Variants in COL5A3 observed in about 807,000 individuals in gnomAD.
The protein encoded by COL5A3 is collagen alpha-3(V) chain.
Under a neutral mutation model 250.0 loss-of-function variants are expected in COL5A3, and 172 were observed. The ratio of observed to expected loss-of-function variants is 0.69; its 90% confidence interval spans 0.61 to 0.78. The LOEUF (loss-of-function observed/expected upper bound fraction) is 0.78. Ranked by LOEUF, COL5A3 falls within the 30% of genes least tolerant of loss-of-function variation. The probability of loss-of-function intolerance (pLI) is 0.00; values close to 1 mark genes in which losing one functional copy is unlikely to be tolerated. For synonymous variants in COL5A3, 937 were observed against 900.4 expected (o/e 1.04, Z -0.73); for missense variants, 2,340 against 2,334.4 (o/e 1.00, Z -0.05).
chr19:10,003,730 C>T lies in COL5A3; in HGVS notation c.700-16G>A, dbSNP rs769312828. 1 of 1,613,684 alleles carries T rather than the reference C, an allele frequency of 6.2e-7. No homozygotes were observed. Among genetic ancestry groups the T allele is most frequent in the Non-Finnish European group, 8.5e-7 (1 of 1,180,016 alleles). Reference sequence around the variant, plus strand: ...CCTGGGGAGCCTGGGAGAAGGGTTCCAGTCAGGTCTAGAGCATCCCACCAG... The same window carrying T: ...CCTGGGGAGCCTGGGAGAAGGGTTCTAGTCAGGTCTAGAGCATCCCACCAG... On this transcript the variant is annotated splice_polypyrimidine_tract_variant and intron_variant, in intron 5 of 66. Coordinates refer to ENST00000264828, the MANE Select transcript of COL5A3 (RefSeq NM_015719.4).
intron 31 of COL5A3, among the ~76,000 whole-genome samples, chr19:9,983,322 C>T (rs893269436): frequency 1.3e-5 from 2 of 151,778 alleles, no homozygotes; most frequent in Non-Finnish European, 2.9e-5. Context: ...GGCAGCATAG[C>T]GAGACCCTGT....
intron 26 of COL5A3, 62 bp from the exon 27 acceptor site, chr19:9,989,239 ATC>A (rs1227139718): frequency 1.9e-5 from 31 of 1,609,248 alleles, no homozygotes; most frequent in Non-Finnish European, 2.5e-5. Context: ...AAGAGCCCTC[ATC>A]TCTCTCCTCT....
In COL5A3 at chr19:9,991,768, T is replaced by C. The variant is rs372995753; in HGVS notation, c.1947+20A>G. On this transcript the variant is annotated intron_variant, in intron 23 of 66. Transcript: ENST00000264828. ...AACTGACCACTCCCATGCCCCATTA[T>C]TGGGAAAGACAGTTCAAACCTGGGA... The C allele has an allele frequency of 1.2e-5, 19 of 1,599,088 alleles. No individual in the cohort carries two copies. In the African/African-American group the frequency reaches 2.2e-4, roughly 18 times the overall value.
Position 9,966,052 on chromosome 19 carries a change from G to A in COL5A3, c.4782+262C>T, listed in dbSNP as rs535270053. On this transcript the variant is annotated intron_variant, in intron 64 of 66. Coordinates refer to ENST00000264828, the MANE Select transcript of COL5A3 (RefSeq NM_015719.4). ...TTGCTATGTTGCTCAGGCTGGTCTC[G>A]AACTCCTGACCTCAAGCGATCCTCC... Among the ~76,000 whole-genome samples, 6 of 151,494 alleles carry A rather than the reference G, an allele frequency of 4.0e-5. No individual in the cohort carries two copies. In the East Asian group the frequency reaches 1.2e-3, roughly 29 times the overall value.
chr19:9,996,031 C>T (rs2087264944), intron 15 of COL5A3, 35 bp downstream of exon 15: 1 of 1,514,256 alleles, frequency 6.6e-7, no homozygotes, highest in Non-Finnish European at 8.9e-7. Context: ...GAAGGCTATT[C>T]CCATCCTATC....
chr19:9,991,957 G>C (rs768604359), intron 22 of COL5A3, 47 bp downstream of exon 22: 1 of 1,577,504 alleles, frequency 6.3e-7, no homozygotes, highest in African/African-American at 1.4e-5. Flanking sequence ...GACAATCGGG[G>C]TCAGAGTGTC....
chr19:10,007,291 T>G (rs2087457365), intron 1 of COL5A3, among the ~76,000 whole-genome samples: 1 of 152,084 alleles, frequency 6.6e-6, no homozygotes, highest in Admixed American at 6.6e-5. Context: ...TATCCTGATC[T>G]CCTCCATCTG....
chr19:9,996,359 G>A, intron 13 of COL5A3, 74 bp downstream of exon 13: 1 of 1,571,146 alleles, frequency 6.4e-7, no homozygotes, highest in Non-Finnish European at 8.7e-7. Flanking sequence ...CCCTTCTCCT[G>A]CCCAGCCCCT....
Position 9,993,371 on chromosome 19 carries a change from C to T in COL5A3, c.1749+9G>A. ...TCCAAACCAGGCCCTAACTCTCTTC[C>T]AAACTTACCCTCTCACCATCCTCTC... On this transcript the variant is annotated intron_variant, in intron 19 of 66. Transcript: ENST00000264828. The T allele has an allele frequency of 6.2e-7, 1 of 1,614,050 alleles. No individual in the cohort carries two copies. Among genetic ancestry groups the T allele is most frequent in the Non-Finnish European group, 8.5e-7 (1 of 1,179,934 alleles).
At chr19:9,970,909 CAA>C in intron 53 of COL5A3, 64 bp downstream of exon 53, 1 of 1,384,320 alleles carries the variant, frequency 7.2e-7, no homozygotes, top group Non-Finnish European at 9.8e-7. Context: ...CCTGCCCCCC[CAA>C]TTCACTCACT....
intron 33 of COL5A3, 40 bp from the exon 34 acceptor site, chr19:9,980,899 T>A (rs752334644): frequency 6.4e-7 from 1 of 1,573,398 alleles, no homozygotes. Flanking sequence ...TATGAGGGGG[T>A]GGGGGAGCCT....
rs1398591701 is a variant in COL5A3 at position 9,966,742 on chromosome 19, G to A, written c.4463C>T (p.Ala1488Val). The change falls in exon 63 of 67, where the codon GCC becomes GTC. Residue 1488 changes from alanine (A) to valine (V), a missense_variant. By Grantham distance (64) the Ala-to-Val change is moderately conservative. Around this residue, in one of 3 missense-constraint regions of COL5A3, gnomAD observed 1,179 missense variants for 1,162.6 expected, o/e 1.01. Transcript: ENST00000264828. ...GPAGPPGPPG[A>V]PAELHGLRRR... ...GCGCAGCCCATGCAGCTCGGCAGGG[G>A]CACCCTGGGCGTAGGGGATGGGGAC... The A allele has an allele frequency of 1.3e-6, 2 of 1,534,238 alleles. No individual in the cohort carries two copies. Among genetic ancestry groups the A allele is most frequent in the Non-Finnish European group, 1.7e-6 (2 of 1,145,562 alleles).
In COL5A3 at chr19:9,978,627, C is replaced by T; in HGVS notation, c.2965G>A (p.Gly989Arg). ...TTATCACCCTTTAAGCCAGTAGGTC[C>T]CTGAAGGAGGAGATAATTCACAGTT... ...PGPKGGPGDP[G>R]PTGLKGDKGP... The change falls in exon 41 of 67, where the codon GGA becomes AGA. Residue 989 changes from glycine (G) to arginine (R), a missense_variant and splice_region_variant. By Grantham distance (125) the Gly-to-Arg change is moderately radical (BLOSUM62 -2). Around this residue, in one of 3 missense-constraint regions of COL5A3, gnomAD observed 1,179 missense variants for 1,162.6 expected, o/e 1.01. Transcript: ENST00000264828. 6.4e-7 allele frequency: 1 copy of T among 1,559,304 alleles called. No homozygotes were observed. The highest frequency in any genetic ancestry group is 8.7e-7 in the Non-Finnish European group (1 of 1,155,046).
At chr19:9,963,822 T>C (rs2086703715) in intron 64 of COL5A3, among the ~76,000 whole-genome samples, 1 of 152,034 alleles carries the variant, frequency 6.6e-6, no homozygotes, top group Non-Finnish European at 1.5e-5. Flanking sequence ...TAAATTCCCA[T>C]CCACTGGGCA....
intron 51 of COL5A3, among the ~76,000 whole-genome samples, chr19:9,972,559 C>A (rs3745585): frequency 0.11 from 17,273 of 152,130 alleles, 1,109 homozygotes; most frequent in South Asian, 0.26. Context: ...GAGTTTTGGC[C>A]GAGCGCGGTG....
chr19:9,993,131 A>C, intron 19 of COL5A3, 64 bp from the exon 20 acceptor site: 3 of 1,538,272 alleles, frequency 2.0e-6, no homozygotes, highest in Non-Finnish European at 1.8e-6. Flanking sequence ...ACCTCCCCTC[A>C]TCTGGGCAGC....
At chr19:9,986,033 C>T in intron 30 of COL5A3, 138 bp from the exon 31 acceptor site, 1 of 774,230 alleles carries the variant, frequency 1.3e-6, no homozygotes, top group Non-Finnish European at 2.2e-6. Flanking sequence ...TTGCTCCTGC[C>T]TGCTAGGGGC....
At position 9,993,085 on chromosome 19, in the gene COL5A3, TA is replaced by T. The variant is rs2087217619; in HGVS notation, c.1750-19del. 14 of 1,613,610 alleles carry T rather than the reference TA, an allele frequency of 8.7e-6. No individual in the cohort carries two copies. Among genetic ancestry groups the T allele is most frequent in the Non-Finnish European group, 1.2e-5 (14 of 1,179,716 alleles). The stretch of plus-strand genomic sequence containing the variant: ...TCTGCTCCCTGTGGAAAAGCGTCAT[TA>T]CTTGGGAACAGGAAGGTACAACCCT... On this transcript the variant is annotated intron_variant, in intron 19 of 66. Transcript: ENST00000264828.
At chr19:9,964,723 TTTAGTA>T (rs2086714171) in intron 64 of COL5A3, among the ~76,000 whole-genome samples, 1 of 150,838 alleles carries the variant, frequency 6.6e-6, no homozygotes, top group Non-Finnish European at 1.5e-5. Flanking sequence ...GTAGTCAGGG[TTTAGTA>T]AATGTTCCCT....
Sources: gnomAD v4.1 joint callset for allele counts (sites outside exome capture counted in the v4.1 genomes callset) on GRCh38, gnomAD v4.1.1 for gene constraint, gnomAD v4.1.1 regional missense constraint, MANE v1.5 for transcripts, NCBI Gene and HGNC (gene_info 2026-07-23, HGNC 2026-07-21) for gene names.